The following PHTF2 variants were observed in gnomAD, a reference collection of about 807,000 sequenced individuals.
PHTF2 encodes putative homeodomain transcription factor 2.
PHTF2 carries 60 observed loss-of-function variants against 101.2 expected under a neutral mutation model. The ratio of observed to expected loss-of-function variants is 0.59; its 90% confidence interval spans 0.48 to 0.73. The LOEUF is 0.73. Ranked by LOEUF, PHTF2 falls within the 30% of genes least tolerant of loss-of-function variation. PHTF2 has a pLI of 0.00. For synonymous variants in PHTF2, 311 were observed against 307.3 expected (o/e 1.01, Z -0.13); for missense variants, 747 against 908.7 (o/e 0.82, Z 2.29).
intron 1 of PHTF2, among the ~76,000 whole-genome samples, chr7:77,839,342 CAAAT>C (rs1184322228): frequency 6.6e-6 from 1 of 152,156 alleles, no homozygotes; most frequent in Non-Finnish European, 1.5e-5. Context: ...GAATCAGTCT[CAAAT>C]AACCTCTAGG....
At chr7:77,867,146 A>G (rs911214127) in intron 3 of PHTF2, among the ~76,000 whole-genome samples, 4 of 152,136 alleles carry the variant, frequency 2.6e-5, no homozygotes, top group Admixed American at 1.3e-4. Context: ...GACTTCTTGA[A>G]GAGTTTTGTG....
At chr7:77,864,663 G>A (rs1273691146) in intron 3 of PHTF2, among the ~76,000 whole-genome samples, 1 of 151,736 alleles carries the variant, frequency 6.6e-6, no homozygotes, top group Non-Finnish European at 1.5e-5. Context: ...CTCAAAGCTG[G>A]CATCTTCCCC....
chr7:77,943,982 A>T (rs1805843947), intron 16 of PHTF2, among the ~76,000 whole-genome samples: 1 of 152,108 alleles, frequency 6.6e-6, no homozygotes, highest in South Asian at 2.1e-4. Flanking sequence ...AGCCTGGGGG[A>T]TACAGCAAGA....
intron 9 of PHTF2, among the ~76,000 whole-genome samples, chr7:77,915,059 G>T (rs549726755): frequency 1.5e-5 from 2 of 134,328 alleles, no homozygotes; most frequent in Middle Eastern, 4.8e-3. Context: ...CTACAGGCAC[G>T]CACCACCATG....
intron 3 of PHTF2, among the ~76,000 whole-genome samples, chr7:77,875,488 T>C (rs1032045009): frequency 6.6e-6 from 1 of 151,926 alleles, no homozygotes; most frequent in African/African-American, 2.4e-5. Context: ...CAGAGCCTCC[T>C]ATATCATGGT....
intron 4 of PHTF2, 99 bp from the exon 4 acceptor site, chr7:77,893,883 A>T: frequency 3.4e-6 from 3 of 886,884 alleles, no homozygotes; most frequent in Non-Finnish European, 5.6e-6. Context: ...TTGAATTTCT[A>T]ATGACTATTT....
chr7:77,831,791 C>T (rs908547358), intron 1 of PHTF2, among the ~76,000 whole-genome samples: 2 of 151,868 alleles, frequency 1.3e-5, no homozygotes, highest in Admixed American at 1.3e-4. Flanking sequence ...AGTCTACGCA[C>T]TGTGTCATCC....
At chr7:77,817,494 A>G (rs1018446480) in intron 1 of PHTF2, among the ~76,000 whole-genome samples, 2 of 152,200 alleles carry the variant, frequency 1.3e-5, no homozygotes, top group African/African-American at 2.4e-5. Flanking sequence ...AGGAGAGAGA[A>G]GAATGAGAAC....
intron 1 of PHTF2, among the ~76,000 whole-genome samples, chr7:77,823,803 AG>A (rs1333071987): frequency 3.5e-4 from 53 of 152,358 alleles, no homozygotes; most frequent in Middle Eastern, 3.4e-3. Flanking sequence ...AACAAAGTAG[AG>A]ACGATAGATG....
chr7:77,823,772 C>T (rs995585347), intron 1 of PHTF2, among the ~76,000 whole-genome samples: 3 of 152,066 alleles, frequency 2.0e-5, no homozygotes, highest in East Asian at 3.9e-4. Context: ...TTGGGGAGGG[C>T]GGGTAATTGA....
intron 11 of PHTF2, among the ~76,000 whole-genome samples, chr7:77,927,195 T>TACACACACACAC (rs1434065287): frequency 0.016 from 1,281 of 78,344 alleles, 25 homozygotes; most frequent in African/African-American, 0.044. Flanking sequence ...TATATATATA[T>TACACACACACAC]ACATACACAC....
At chr7:77,818,413 T>G (rs931574054) in intron 1 of PHTF2, among the ~76,000 whole-genome samples, 1 of 152,218 alleles carries the variant, frequency 6.6e-6, no homozygotes, top group African/African-American at 2.4e-5. Context: ...GGTCTTTGAT[T>G]CATTTTGGGG....
intron 12 of PHTF2, among the ~76,000 whole-genome samples, chr7:77,935,886 C>T (rs1014820385): frequency 5.9e-5 from 9 of 152,118 alleles, no homozygotes; most frequent in African/African-American, 1.9e-4. Context: ...GGTTTCCTTA[C>T]GCTTAACAAT....
chr7:77,849,040 T>C (rs1325901932), intron 2 of PHTF2, among the ~76,000 whole-genome samples: 4 of 152,126 alleles, frequency 2.6e-5, no homozygotes, highest in African/African-American at 9.7e-5. Flanking sequence ...ACTGTAGATA[T>C]ATGGATTTGT....
At chr7:77,857,744 G>C (rs545971425) in intron 3 of PHTF2, among the ~76,000 whole-genome samples, 3 of 152,310 alleles carry the variant, frequency 2.0e-5, no homozygotes, top group African/African-American at 7.2e-5. Flanking sequence ...TTGTTCTTGA[G>C]AGTCTGTATA....
chr7:77,864,041 G>A (rs115697263), intron 3 of PHTF2, among the ~76,000 whole-genome samples: 2,651 of 152,228 alleles, frequency 0.017, 31 homozygotes, highest in African/African-American at 0.021. Flanking sequence ...CTGCCTCCTA[G>A]AGTGTTGGGA....
chr7:77,839,996 A>G (rs1045774899), intron 1 of PHTF2: 4 of 338,678 alleles, frequency 1.2e-5, no homozygotes, highest in African/African-American at 4.2e-5. Context: ...TAAGAAAACA[A>G]GTGTTATTTA....
intron 2 of PHTF2, among the ~76,000 whole-genome samples, chr7:77,843,460 A>T (rs539405883): frequency 2.0e-5 from 3 of 152,298 alleles, no homozygotes; most frequent in African/African-American, 4.8e-5. Context: ...ATTGTTCTTA[A>T]GTCATGTCTC....
chr7:77,922,493 A>G (rs1803567900), intron 10 of PHTF2, 130 bp from the exon 10 acceptor site: 1 of 555,874 alleles, frequency 1.8e-6, no homozygotes, highest in Non-Finnish European at 3.0e-6. Flanking sequence ...CTAATTAGTT[A>G]CTTTGTGGTA....
Sources: gnomAD v4.1 joint callset for allele counts (sites outside exome capture counted in the v4.1 genomes callset) on GRCh38, gnomAD v4.1.1 for gene constraint, MANE v1.5 for transcripts, NCBI Gene and HGNC (gene_info 2026-07-23, HGNC 2026-07-21) for gene names.